MGAM2: variants seen among roughly 807,000 people sequenced by gnomAD.
MGAM2 encodes probable maltase-glucoamylase 2.
A neutral mutation model predicts 96.1 loss-of-function variants in MGAM2; 98 were observed. The observed-to-expected ratio is 1.02, with a 90% confidence interval of 0.87 to 1.21. The LOEUF is 1.21. MGAM2 is among the 50% of genes most tolerant of loss of function. The probability of loss-of-function intolerance (pLI) is 0.00; values close to 1 mark genes in which losing one functional copy is unlikely to be tolerated. For missense variants in MGAM2, 2,055 were observed against 1,182.4 expected, an observed-to-expected ratio of 1.74 and a Z score of -10.82; for synonymous variants, 749 against 414.8, an observed-to-expected ratio of 1.81 and a Z score of -9.79.
intron 47 of MGAM2, among the ~76,000 whole-genome samples, chr7:142,219,073 C>A (rs1159450799): frequency 6.6e-6 from 1 of 152,150 alleles, no homozygotes; most frequent in Non-Finnish European, 1.5e-5. Flanking sequence ...GCAGGCCCTA[C>A]TAGAGGATTC....
At position 142,185,093 on chromosome 7, in the gene MGAM2, C is replaced by T. The variant is rs1280264384; in HGVS notation, c.3941C>T (p.Pro1314Leu). The part of the protein sequence containing the change: ...IVWGKVWPDL[P>L]NVIVDGSLDH... ...TTTCTCTAGGTTTGGCCAGATCTGC[C>T]TAATGTAATTGTAGATGGATCCCTT... Residue 1314 changes from proline to leucine, a missense_variant, in exon 34 of 48, where the codon CCT becomes CTT. Physicochemically the swap from Pro to Leu is moderately conservative, Grantham distance 98. Transcript: ENST00000477922. 2.8e-6 allele frequency: 2 copies of T among 702,792 alleles called. No homozygotes were observed. The highest frequency in any genetic ancestry group is 1.7e-5 in the African/African-American group (1 of 57,226). 43.5% of individuals were successfully genotyped at this position (702,792 alleles called of 1,614,324 possible).
At chr7:142,173,018 A>G (rs541970547) in intron 30 of MGAM2, among the ~76,000 whole-genome samples, 91 of 152,318 alleles carry the variant, frequency 6.0e-4, no homozygotes, top group Middle Eastern at 6.8e-3. Context: ...GTTTCCTAGA[A>G]TGAAAACTCT....
chr7:142,191,186 G>A (rs1480450605), intron 37 of MGAM2, among the ~76,000 whole-genome samples: 3 of 151,988 alleles, frequency 2.0e-5, no homozygotes, highest in African/African-American at 7.3e-5. Flanking sequence ...CTAAATTCAA[G>A]CTTCTCATGA....
At chr7:142,158,968 C>T (rs1378153813) in intron 19 of MGAM2, among the ~76,000 whole-genome samples, 1 of 152,120 alleles carries the variant, frequency 6.6e-6, no homozygotes, top group African/African-American at 2.4e-5. Context: ...AACCAGTGGC[C>T]CTGCTGGGAG....
In MGAM2 at chr7:142,208,364, C is replaced by G. The variant is rs895695818; in HGVS notation, c.5138-209C>G. On this transcript the variant is annotated intron_variant, in intron 45 of 47. Coordinates refer to ENST00000477922, the MANE Select transcript of MGAM2 (RefSeq NM_001293626.2). ...TGCATTTGTAACCTTCTGACCTCCCCGGCAAGGTACCCATTTGCATTTGCA... is the reference window on the plus strand; with the variant it reads ...TGCATTTGTAACCTTCTGACCTCCCGGGCAAGGTACCCATTTGCATTTGCA... 3.5e-5 allele frequency: 23 copies of G among 651,364 alleles called. No individual in the cohort carries two copies. The African/African-American group carries it at 3.9e-4, about 11-fold the overall frequency. 40.3% of individuals were successfully genotyped at this position (651,364 alleles called of 1,614,324 possible).
intron 45 of MGAM2, among the ~76,000 whole-genome samples, chr7:142,202,236 AGGCGGTT>A (rs753555910): frequency 1.3e-5 from 2 of 152,222 alleles, no homozygotes; most frequent in Non-Finnish European, 2.9e-5. Flanking sequence ...GGGTATCCAT[AGGCGGTT>A]GGTTCCAGGA....
chr7:142,169,617 C>A (rs866797991), intron 26 of MGAM2, among the ~76,000 whole-genome samples: 5 of 152,066 alleles, frequency 3.3e-5, no homozygotes, highest in South Asian at 4.1e-4. Flanking sequence ...AGAAGAGAAA[C>A]TTTAGGAATG....
At chr7:142,179,949 C>T (rs1421869263) in intron 32 of MGAM2, among the ~76,000 whole-genome samples, 1 of 151,974 alleles carries the variant, frequency 6.6e-6, no homozygotes, top group Admixed American at 6.6e-5. Flanking sequence ...GCTCTTTGTA[C>T]ATCTAGTAGG....
intron 45 of MGAM2, among the ~76,000 whole-genome samples, chr7:142,206,861 G>A (rs140954308): frequency 6.6e-6 from 1 of 152,122 alleles, no homozygotes; most frequent in Non-Finnish European, 1.5e-5. Flanking sequence ...CCTCACATAG[G>A]TGATATAATG....
rs775434442 is a variant in MGAM2 at position 142,218,413 on chromosome 7, C to T, written c.5240C>T (p.Pro1747Leu). ...IHNKYLSDSN[P>L]LKVGYIRIWG... The stretch of plus-strand genomic sequence containing the variant: ...AATAAGTATTTGAGTGACTCGAATC[C>T]ACTAAAAGTTGGGTATATTAGAATC... Residue 1747 changes from proline (P) to leucine (L), a missense_variant, in exon 47 of 48, where the codon CCA becomes CTA. Transcript: ENST00000477922. 2 of 702,364 alleles carry T rather than the reference C, an allele frequency of 2.8e-6. No homozygotes were observed. Among genetic ancestry groups the T allele is most frequent in the African/African-American group, 3.5e-5 (2 of 57,324 alleles). The allele number at this position is 702,364 out of a possible 1,614,324, so 43.5% of individuals were successfully genotyped here.
intron 7 of MGAM2, among the ~76,000 whole-genome samples, chr7:142,135,321 C>T (rs997372698): frequency 3.3e-5 from 5 of 152,216 alleles, no homozygotes; most frequent in Admixed American, 2.6e-4. Flanking sequence ...ATATTGAATA[C>T]TATGAATCGT....
At chr7:142,212,041 A>G (rs569118373) in intron 46 of MGAM2, among the ~76,000 whole-genome samples, 53 of 152,360 alleles carry the variant, frequency 3.5e-4, no homozygotes, top group African/African-American at 1.2e-3. Flanking sequence ...AATATTCAAC[A>G]TTCTTAAAGA....
chr7:142,183,415 A>G (rs1198095428), intron 33 of MGAM2, 42 bp downstream of exon 33: 6 of 693,506 alleles, frequency 8.7e-6, no homozygotes, highest in Non-Finnish European at 1.3e-5. Flanking sequence ...TAACATTACA[A>G]TGTCTTGAAA....
At chr7:142,179,120 T>A (rs1224567482) in intron 32 of MGAM2, among the ~76,000 whole-genome samples, 1 of 152,158 alleles carries the variant, frequency 6.6e-6, no homozygotes, top group African/African-American at 2.4e-5. Context: ...TTTGAGATCT[T>A]ACTAACTTGA....
Position 142,218,386 on chromosome 7 carries a change from A to G in MGAM2, c.5213A>G (p.His1738Arg), listed in dbSNP as rs1563302037. The G allele has an allele frequency of 1.4e-6, 1 of 698,850 alleles. No individual in the cohort carries two copies. The highest frequency in any genetic ancestry group is 2.6e-6 in the Non-Finnish European group (1 of 383,582). 43.3% of individuals were successfully genotyped at this position (698,850 alleles called of 1,614,324 possible). ...AQNILQIQTI[H>R]NKYLSDSNPL... is the part of the protein sequence containing the mutation. ...AACATCCTGCAAATCCAGACCATAC[A>G]CAATAAGTATTTGAGTGACTCGAAT... The change falls in exon 47 of 48, where the codon CAC becomes CGC. Residue 1738 changes from histidine (H) to arginine (R), a missense_variant. His to Arg is a conservative substitution (Grantham distance 29). Transcript: ENST00000477922.
At chr7:142,187,909 T>G in intron 36 of MGAM2, 75 bp downstream of exon 36, 1 of 671,208 alleles carries the variant, frequency 1.5e-6, no homozygotes, top group East Asian at 2.7e-5. Flanking sequence ...ACTGTCAAAG[T>G]GAAGCCTAAT....
intron 8 of MGAM2, among the ~76,000 whole-genome samples, chr7:142,137,225 A>C (rs1049829711): frequency 2.8e-4 from 42 of 152,188 alleles, no homozygotes; most frequent in African/African-American, 4.1e-4. Context: ...TTAAAAAAAA[A>C]AAAACAAAAC....
At chr7:142,118,477 C>CTAA (rs1390451935) in intron 2 of MGAM2, among the ~76,000 whole-genome samples, 2 of 152,152 alleles carry the variant, frequency 1.3e-5, no homozygotes, top group African/African-American at 4.8e-5. Context: ...GGGGCACCTG[C>CTAA]TAATACCCAC....
At chr7:142,177,089 A>G (rs950473485) in intron 32 of MGAM2, among the ~76,000 whole-genome samples, 2 of 152,046 alleles carry the variant, frequency 1.3e-5, no homozygotes, top group African/African-American at 4.8e-5. Flanking sequence ...TGAGGTTTGG[A>G]GTATGTATTA....
Sources: allele counts gnomAD v4.1 joint callset (sites outside exome capture counted in the v4.1 genomes callset), GRCh38; gene constraint gnomAD v4.1.1; transcripts MANE v1.5; gene names NCBI Gene and HGNC (gene_info 2026-07-23, HGNC 2026-07-21).